Variants in TIMMDC1 observed in about 807,000 individuals in gnomAD.
TIMMDC1 encodes the protein translocase of inner mitochondrial membrane domain containing 1, also known as complex I assembly factor TIMMDC1, mitochondrial.
Under a neutral mutation model 32.6 loss-of-function variants are expected in TIMMDC1, and 25 were observed. That is an observed-to-expected ratio of 0.77 (90% CI 0.56 to 1.07). The LOEUF (loss-of-function observed/expected upper bound fraction) is 1.07, where lower values mean the gene tolerates loss of function less well. Ranked by LOEUF, TIMMDC1 falls within the 50% of genes least tolerant of loss-of-function variation. The probability of loss-of-function intolerance (pLI) is 0.00; values close to 1 mark genes in which losing one functional copy is unlikely to be tolerated. For missense variants in TIMMDC1, 329 were observed against 349.2 expected, an observed-to-expected ratio of 0.94 and a Z score of 0.46; for synonymous variants, 130 against 127.6, an observed-to-expected ratio of 1.02 and a Z score of -0.13.
At chr3:119,502,919 G>T (rs1279844482) in intron 2 of TIMMDC1, among the ~76,000 whole-genome samples, 1 of 152,100 alleles carries the variant, frequency 6.6e-6, no homozygotes, top group Non-Finnish European at 1.5e-5. Flanking sequence ...GGCCAAATGG[G>T]CATTTTCTAA....
intron 5 of TIMMDC1, among the ~76,000 whole-genome samples, chr3:119,515,201 T>TC (rs1320669206): frequency 6.4e-5 from 6 of 93,648 alleles, no homozygotes; most frequent in African/African-American, 2.6e-4. Flanking sequence ...AGAGTAAGAC[T>TC]CCATCTCAAA....
chr3:119,499,023 G>T, intron 1 of TIMMDC1, 96 bp downstream of exon 1: 1 of 948,274 alleles, frequency 1.1e-6, no homozygotes, highest in Non-Finnish European at 1.6e-6. Context: ...ACCAAGGATG[G>T]TGTGCTTCAT....
At chr3:119,507,913 C>T (rs1202106309) in intron 4 of TIMMDC1, among the ~76,000 whole-genome samples, 1 of 152,080 alleles carries the variant, frequency 6.6e-6, no homozygotes, top group Non-Finnish European at 1.5e-5. Flanking sequence ...TTTTCCTCTC[C>T]TTTGGTGGGA....
intron 1 of TIMMDC1, among the ~76,000 whole-genome samples, 183 bp downstream of exon 1, chr3:119,499,110 T>C (rs63716260): frequency 5.5e-5 from 7 of 126,504 alleles, no homozygotes; most frequent in South Asian, 2.6e-4. Context: ...TTTTTTTTTT[T>C]CCAGACAGGG....
At chr3:119,512,027 A>G (rs2081956045) in intron 4 of TIMMDC1, among the ~76,000 whole-genome samples, 1 of 152,352 alleles carries the variant, frequency 6.6e-6, no homozygotes, top group East Asian at 1.9e-4. Context: ...CTTTTGGCCC[A>G]GAAATTTCAT....
chr3:119,506,302 C>T (rs986117415), intron 4 of TIMMDC1, among the ~76,000 whole-genome samples: 2 of 152,128 alleles, frequency 1.3e-5, no homozygotes, highest in Non-Finnish European at 1.5e-5. Flanking sequence ...GTGGGCAGAT[C>T]GCTTGAGTAT....
Position 119,498,879 on chromosome 3 carries a change from A to G in TIMMDC1, c.146A>G (p.Tyr49Cys), listed in dbSNP as rs200356602. ...QKRLPYVPEP[Y>C]YPESGWDRLR... is the part of the protein sequence containing the mutation. ...CGGCTTCCCTACGTCCCAGAGCCCT[A>G]TTACCCGGAATCTGGATGGGACCGC... The change falls in exon 1 of 7, where the codon TAT becomes TGT. Residue 49 changes from tyrosine (Y) to cysteine (C), a missense_variant. Coordinates refer to ENST00000494664, the MANE Select transcript of TIMMDC1 (RefSeq NM_016589.4). 2.6e-5 allele frequency: 42 copies of G among 1,613,966 alleles called. No individual in the cohort carries two copies. In the East Asian group the frequency reaches 3.1e-4, roughly 12 times the overall value.
chr3:119,516,423 C>T (rs1449732129), intron 5 of TIMMDC1, among the ~76,000 whole-genome samples: 2 of 152,136 alleles, frequency 1.3e-5, no homozygotes, highest in Non-Finnish European at 1.5e-5. Flanking sequence ...ACCTGTTGAA[C>T]GGATTGCCCT....
At position 119,525,017 on chromosome 3, in the gene TIMMDC1, T is replaced by C. The variant is rs562853241; in HGVS notation, c.*1261T>C. On this transcript the variant is annotated 3_prime_UTR_variant, in exon 7 of 7. Transcript: ENST00000494664. ...CCATTTAAAGAGATTATCAGTCCAA[T>C]ATGAACCAGTTAAGTCTTTGGACTA... 3.9e-5 allele frequency: 6 copies of C among 152,224 alleles called. No homozygotes were observed. Among genetic ancestry groups the C allele is most frequent in the Non-Finnish European group, 8.8e-5 (6 of 68,038 alleles). The allele number at this position is 152,224 out of a possible 1,614,324, so 9.4% of individuals were successfully genotyped here.
chr3:119,504,095 G>C, intron 4 of TIMMDC1, 74 bp downstream of exon 4: 1 of 1,113,878 alleles, frequency 9.0e-7, no homozygotes, highest in Non-Finnish European at 1.3e-6. Context: ...TTATACATCA[G>C]AACTACTGAA....
At chr3:119,522,175 A>G (rs1333329215) in intron 6 of TIMMDC1, among the ~76,000 whole-genome samples, 1 of 152,210 alleles carries the variant, frequency 6.6e-6, no homozygotes, top group Non-Finnish European at 1.5e-5. Flanking sequence ...CAACAGATGG[A>G]TGGATAAAGA....
chr3:119,509,766 A>T (rs976061528), intron 4 of TIMMDC1, among the ~76,000 whole-genome samples: 1 of 151,186 alleles, frequency 6.6e-6, no homozygotes, highest in Admixed American at 6.6e-5. Flanking sequence ...GCTCGCTGCA[A>T]CCTCCACCTT....
At chr3:119,517,131 T>G in intron 5 of TIMMDC1, 74 bp from the exon 6 acceptor site, 6 of 895,530 alleles carry the variant, frequency 6.7e-6, no homozygotes, top group Non-Finnish European at 1.1e-5. Flanking sequence ...TGCTCACACC[T>G]TAGCAGAGAA....
rs201330093 is a variant in TIMMDC1 at position 119,505,907 on chromosome 3, C to CT, written c.517+1896dup. On this transcript the variant is annotated intron_variant, in intron 4 of 6. Coordinates refer to ENST00000494664, the MANE Select transcript of TIMMDC1 (RefSeq NM_016589.4). ...CACATGGGAAAACACACAATTTGAACTTTTTTTTTTAACTTTTAACTTCAG... is the reference window on the plus strand; with the variant it reads ...CACATGGGAAAACACACAATTTGAACTTTTTTTTTTTAACTTTTAACTTCAG... Among the ~76,000 whole-genome samples the CT allele has an allele frequency of 8.4e-3, 1,252 of 149,474 alleles. 7 individuals are homozygous for CT. The highest frequency in any genetic ancestry group is 0.029 in the African/African-American group (1,191 of 40,830).
Position 119,498,676 on chromosome 3 carries a change from G to A in TIMMDC1, c.-58G>A, listed in dbSNP as rs576335267. On this transcript the variant is annotated 5_prime_UTR_variant, in exon 1 of 7. Transcript: ENST00000494664. Reference sequence around the variant, plus strand: ...GTACAGTTACGCTCTCCCGCGGCACGTCCGCGAGGACTTGAAGTCCTGAGC... The same window carrying A: ...GTACAGTTACGCTCTCCCGCGGCACATCCGCGAGGACTTGAAGTCCTGAGC... 1 of 1,549,034 alleles carries A rather than the reference G, an allele frequency of 6.5e-7. No homozygotes were observed. The highest frequency in any genetic ancestry group is 8.9e-7 in the Non-Finnish European group (1 of 1,128,294).
intron 6 of TIMMDC1, among the ~76,000 whole-genome samples, chr3:119,518,601 G>T (rs891431567): frequency 6.6e-6 from 1 of 151,622 alleles, no homozygotes; most frequent in African/African-American, 2.4e-5. Context: ...AAAAACTGCA[G>T]AAGTTTGTCA....
In TIMMDC1 at chr3:119,504,034, T is replaced by G. The variant is rs933465423; in HGVS notation, c.517+13T>G. 6.3e-6 allele frequency: 10 copies of G among 1,598,836 alleles called. No homozygotes were observed. The African/African-American group carries it at 1.2e-4, about 19-fold the overall frequency. On this transcript the variant is annotated intron_variant, in intron 4 of 6. Coordinates refer to ENST00000494664, the MANE Select transcript of TIMMDC1 (RefSeq NM_016589.4). The stretch of plus-strand genomic sequence containing the variant: ...GTAATTGCAGGAGGTAAGACATTTT[T>G]GTTTATATTTTTCAGTCTTCTCAAA...
chr3:119,507,261 T>C (rs1042726047), intron 4 of TIMMDC1, among the ~76,000 whole-genome samples: 5 of 152,236 alleles, frequency 3.3e-5, no homozygotes, highest in Admixed American at 1.3e-4. Context: ...AGTACACTTA[T>C]ACCTTTTGTA....
intron 5 of TIMMDC1, among the ~76,000 whole-genome samples, chr3:119,513,967 C>T (rs1007796788): frequency 1.3e-5 from 2 of 152,122 alleles, no homozygotes; most frequent in African/African-American, 4.8e-5. Flanking sequence ...TGACTCAATA[C>T]AACTATCTAA....
Sources: allele counts gnomAD v4.1 joint callset (sites outside exome capture counted in the v4.1 genomes callset), GRCh38; gene constraint gnomAD v4.1.1; transcripts MANE v1.5; gene names NCBI Gene and HGNC (gene_info 2026-07-23, HGNC 2026-07-21).